PKD1L1: variants seen among roughly 807,000 people sequenced by gnomAD.
PKD1L1 encodes the protein polycystin-1-like protein 1.
PKD1L1 carries 236 observed loss-of-function variants against 323.4 expected under a neutral mutation model. The observed-to-expected ratio is 0.73, with a 90% CI of 0.66 to 0.81. The LOEUF is 0.81. Among genes scored for constraint, PKD1L1 ranks in the 40% least tolerant of loss-of-function variants. The probability of loss-of-function intolerance (pLI) is 0.00; values close to 1 mark genes in which losing one functional copy is unlikely to be tolerated. For missense variants in PKD1L1, 3,320 were observed against 3,508.0 expected, an observed-to-expected ratio of 0.95 and a Z score of 1.35; for synonymous variants, 1,344 against 1,335.0, an observed-to-expected ratio of 1.01 and a Z score of -0.15.
rs1251272092 is a variant in PKD1L1, at chr7:47,836,983, A to C, written c.5881T>G (p.Phe1961Val). 1.2e-5 allele frequency: 20 copies of C among 1,614,126 alleles called. No homozygotes were observed. Among genetic ancestry groups the C allele is most frequent in the Non-Finnish European group, 1.6e-5 (19 of 1,180,048 alleles). The change falls in exon 37 of 57, where the codon TTC becomes GTC. Residue 1961 changes from phenylalanine (F) to valine (V), a missense_variant. Physicochemically the swap from Phe to Val is conservative, Grantham distance 50. Transcript: ENST00000289672. ...CACGCGTAGACGCACAGCAGGGAGA[A>C]GGACACGGTGAGGCGCGGCGTGTGC... is the stretch of plus-strand genomic sequence containing the variant. The part of the protein sequence containing the change: ...YLHTPRLTVS[F>V]SLLCVYACLT...
At chr7:47,959,190 C>A in the PKD1L1 span, among the ~76,000 whole-genome samples, 1 of 151,708 alleles carries the variant, frequency 6.6e-6, no homozygotes, top group Non-Finnish European at 1.5e-5. Flanking sequence ...ACCTCCCAGC[C>A]GCCTGCCTTG....
chr7:47,943,574 C>T (rs770736091), intron 1 of PKD1L1, 63 bp from the exon 2 acceptor site: 10 of 1,249,918 alleles, frequency 8.0e-6, no homozygotes, highest in Admixed American at 3.7e-5. Flanking sequence ...TCACAGACAT[C>T]CTGTGACCAC....
intron 19 of PKD1L1, 83 bp from the exon 20 acceptor site, chr7:47,882,168 T>G: frequency 7.2e-7 from 1 of 1,385,316 alleles, no homozygotes; most frequent in Non-Finnish European, 1.0e-6. Flanking sequence ...ATGCTGATAT[T>G]AATAACTATT....
At chr7:47,794,441 C>A (rs2128724111) in intron 55 of PKD1L1, among the ~76,000 whole-genome samples, 1 of 152,320 alleles carries the variant, frequency 6.6e-6, no homozygotes. Context: ...GCCTTGGCAG[C>A]TTCCATGTGG....
At chr7:47,780,957 T>C (rs1027601285) in intron 56 of PKD1L1, among the ~76,000 whole-genome samples, 1 of 152,240 alleles carries the variant, frequency 6.6e-6, no homozygotes, top group Admixed American at 6.5e-5. Context: ...TTTTCATGTT[T>C]CATTTTATAA....
chr7:47,905,731 G>A, intron 10 of PKD1L1, 112 bp downstream of exon 10: 1 of 1,423,680 alleles, frequency 7.0e-7, no homozygotes, highest in Admixed American at 2.4e-5. Flanking sequence ...TGACAAATGG[G>A]GCTCTCCAGC....
At chr7:47,821,974 T>A (rs945748462) in intron 45 of PKD1L1, among the ~76,000 whole-genome samples, 4 of 151,994 alleles carry the variant, frequency 2.6e-5, no homozygotes, top group African/African-American at 9.7e-5. Flanking sequence ...CAGGCATGAG[T>A]CACCATGCCC....
chr7:47,907,385 ACT>A (rs1389513902), intron 9 of PKD1L1, among the ~76,000 whole-genome samples: 1 of 151,430 alleles, frequency 6.6e-6, no homozygotes, highest in Admixed American at 6.6e-5. Context: ...AAGTGTAGGG[ACT>A]CTTTTTTCTA....
In PKD1L1 at chr7:47,833,262, C is replaced by A. The variant is rs371030908; in HGVS notation, c.6175-10G>T. 2 of 1,610,484 alleles carry A rather than the reference C, an allele frequency of 1.2e-6. No homozygotes were observed. The highest frequency in any genetic ancestry group is 4.5e-5 in the East Asian group (2 of 44,800). On this transcript the variant is annotated splice_polypyrimidine_tract_variant and intron_variant, in intron 40 of 56. Coordinates refer to ENST00000289672, the MANE Select transcript of PKD1L1 (RefSeq NM_138295.5). The stretch of plus-strand genomic sequence containing the variant: ...TGGCTGATGCAGGTTGCTAGAATGA[C>A]AAGGTCATGCCAAGGTTAATATCTC...
intron 25 of PKD1L1, among the ~76,000 whole-genome samples, chr7:47,865,899 C>G (rs1786159197): frequency 7.1e-6 from 1 of 141,652 alleles, no homozygotes; most frequent in Admixed American, 7.0e-5. Context: ...CCAGCCAGAG[C>G]TAAGCAACAT....
At chr7:47,811,265 C>T (rs770659952) in intron 50 of PKD1L1, among the ~76,000 whole-genome samples, 3 of 151,942 alleles carry the variant, frequency 2.0e-5, no homozygotes, top group Non-Finnish European at 1.5e-5. Context: ...GAAATTCTCC[C>T]GCCTTCAGCC....
intron 32 of PKD1L1, 68 bp from the exon 33 acceptor site, chr7:47,845,146 T>C: frequency 4.6e-6 from 6 of 1,306,628 alleles, no homozygotes; most frequent in Non-Finnish European, 3.2e-6. Flanking sequence ...TGTAATGGCA[T>C]GTTGGTTAAA....
chr7:47,847,777 T>C (rs1435531060), intron 31 of PKD1L1, among the ~76,000 whole-genome samples: 2 of 152,156 alleles, frequency 1.3e-5, no homozygotes, highest in African/African-American at 4.8e-5. Flanking sequence ...GCACAAGTAC[T>C]GAGGAACACA....
chr7:47,830,148 G>A, intron 42 of PKD1L1, 24 bp from the exon 43 acceptor site: 2 of 1,605,628 alleles, frequency 1.2e-6, no homozygotes, highest in South Asian at 1.1e-5. Flanking sequence ...AAGTGCAGTG[G>A]TCAGCCCCCT....
chr7:47,935,781 A>G (rs1787856621), intron 4 of PKD1L1, among the ~76,000 whole-genome samples: 1 of 152,276 alleles, frequency 6.6e-6, no homozygotes. Context: ...AAGGAGCAAT[A>G]TTATAGCAGC....
At chr7:47,939,879 G>A (rs1319721621) in intron 3 of PKD1L1, among the ~76,000 whole-genome samples, 1 of 151,364 alleles carries the variant, frequency 6.6e-6, no homozygotes, top group South Asian at 2.1e-4. Flanking sequence ...TTCCCACCTG[G>A]GAGGCAGCCC....
At chr7:47,958,195 T>C in the PKD1L1 span, among the ~76,000 whole-genome samples, 1 of 152,008 alleles carries the variant, frequency 6.6e-6, no homozygotes, top group Admixed American at 6.6e-5. Context: ...CTTCAAAATA[T>C]GCCATAAAAC....
intron 7 of PKD1L1, among the ~76,000 whole-genome samples, chr7:47,924,241 G>T (rs10227397): frequency 0.064 from 9,810 of 152,136 alleles, 1,038 homozygotes; most frequent in African/African-American, 0.22. Flanking sequence ...TACTTTCCCA[G>T]CAGGGTTCTG....
In PKD1L1 at chr7:47,902,059, A is replaced by AAAAGAAAAGAAAAGAAAAG. The variant is rs57445026; in HGVS notation, c.2064+319_2064+320insCTTTTCTTTTCTTTTCTTT. On this transcript the variant is annotated intron_variant, in intron 13 of 56. Coordinates refer to ENST00000289672, the MANE Select transcript of PKD1L1 (RefSeq NM_138295.5). ...GAAAAGAAAAGAAAAGAAAAGAAAAAAAAGAAAAGAAAAGAGCTCCTTAAA... is the reference window on the plus strand; with the variant it reads ...GAAAAGAAAAGAAAAGAAAAGAAAAAAAAGAAAAGAAAAGAAAAGAAAGAAAAGAAAAGAGCTCCTTAAA... Among the ~76,000 whole-genome samples, 689 of 120,606 alleles carry AAAAGAAAAGAAAAGAAAAG rather than the reference A, an allele frequency of 5.7e-3. 8 individuals carry two copies. Among genetic ancestry groups the AAAAGAAAAGAAAAGAAAAG allele is most frequent in the African/African-American group, 0.018 (635 of 35,382 alleles). The allele number at this position is 120,606 out of a possible 152,430, so 79.1% of individuals were successfully genotyped here. A position where few individuals can be genotyped will look rare whatever the true frequency, so the allele number is the denominator to read the frequency against.
Sources: gnomAD v4.1 joint callset for allele counts (sites outside exome capture counted in the v4.1 genomes callset) on GRCh38, gnomAD v4.1.1 for gene constraint, MANE v1.5 for transcripts, NCBI Gene and HGNC (gene_info 2026-07-23, HGNC 2026-07-21) for gene names.